The following CLEC9A variants were observed in gnomAD, a reference collection of about 807,000 sequenced individuals.
CLEC9A encodes C-type lectin domain family 9 member A.
A neutral mutation model predicts 30.0 loss-of-function variants in CLEC9A; 24 were observed. That is an observed-to-expected ratio of 0.80 (90% CI 0.58 to 1.13). CLEC9A has a LOEUF of 1.13. CLEC9A is among the 50% of genes most tolerant of loss of function. CLEC9A has a pLI of 0.00. For missense variants in CLEC9A, 251 were observed against 280.9 expected, an observed-to-expected ratio of 0.89 and a Z score of 0.76; for synonymous variants, 111 against 96.8, an observed-to-expected ratio of 1.15 and a Z score of -0.86.
intron 1 of CLEC9A, among the ~76,000 whole-genome samples, chr12:10,034,342 C>G (rs989861574): frequency 6.6e-6 from 1 of 152,196 alleles, no homozygotes; most frequent in Non-Finnish European, 1.5e-5. Context: ...GGACATTGCC[C>G]AAGCACTGAC....
Position 10,064,732 on chromosome 12 carries a change from G to C in CLEC9A, c.472G>C (p.Asp158His), listed in dbSNP as rs148583174. ...LLQIESKEEM[D>H]FITGSLRKIK... is the part of the protein sequence containing the mutation. ...TCACAGTTCAATTTTTGTCTCATAG[G>C]ATTTTATCACTGGCAGCTTGAGGAA... The change falls in exon 8 of 9, where the codon GAT (aspartate) becomes CAT (histidine). Residue 158 changes from aspartate (D) to histidine (H), a missense_variant and splice_region_variant. Coordinates refer to ENST00000355819, the MANE Select transcript of CLEC9A (RefSeq NM_207345.4). The C allele has an allele frequency of 4.4e-6, 7 of 1,595,960 alleles. No homozygotes were observed. The African/African-American group carries it at 8.2e-5, about 19-fold the overall frequency.
intron 1 of CLEC9A, among the ~76,000 whole-genome samples, chr12:10,036,567 G>T (rs1021183200): frequency 3.3e-5 from 5 of 152,098 alleles, no homozygotes; most frequent in African/African-American, 9.7e-5. Flanking sequence ...ACATCTTATT[G>T]CCCTTCTCTT....
chr12:10,055,039 T>C (rs1865928255), intron 5 of CLEC9A, among the ~76,000 whole-genome samples: 1 of 152,144 alleles, frequency 6.6e-6, no homozygotes, highest in African/African-American at 2.4e-5. Context: ...AAGGGAAAGG[T>C]TCAGATTCGC....
At position 10,065,722 on chromosome 12, in the gene CLEC9A, C is replaced by T. The variant is rs928695204; in HGVS notation, c.*90C>T. On this transcript the variant is annotated 3_prime_UTR_variant, in exon 9 of 9. Coordinates refer to ENST00000355819, the MANE Select transcript of CLEC9A (RefSeq NM_207345.4). ...CCCACCCCCCCTCAAAAAAACAGAA[C>T]AGTAAACCAAAATGTGGGCCATGAA... 3.6e-5 allele frequency: 49 copies of T among 1,378,738 alleles called. No homozygotes were observed. The highest frequency in any genetic ancestry group is 8.7e-5 in the African/African-American group (4 of 46,090). 85.4% of individuals were successfully genotyped at this position (1,378,738 alleles called of 1,614,324 possible).
Position 10,048,960 on chromosome 12 carries a change from A to G in CLEC9A, c.-162-3031A>G, listed in dbSNP as rs540027710. ...TATCAGAAGAATCACTATCCATGGCAGTGATAGCCTTATGAAATTTATTTC... is the reference window on the plus strand; with the variant it reads ...TATCAGAAGAATCACTATCCATGGCGGTGATAGCCTTATGAAATTTATTTC... On this transcript the variant is annotated intron_variant, in intron 2 of 8. Coordinates refer to ENST00000355819, the MANE Select transcript of CLEC9A (RefSeq NM_207345.4). Among the ~76,000 whole-genome samples the G allele has an allele frequency of 7.2e-5, 11 of 152,300 alleles. No homozygotes were observed. In the East Asian group the frequency reaches 2.1e-3, roughly 29 times the overall value.
At chr12:10,049,974 A>G (rs921171654) in intron 2 of CLEC9A, among the ~76,000 whole-genome samples, 1 of 152,114 alleles carries the variant, frequency 6.6e-6, no homozygotes, top group Non-Finnish European at 1.5e-5. Flanking sequence ...CTTTTGATTT[A>G]AAGTGAGAGA....
At position 10,054,275 on chromosome 12, in the gene CLEC9A, A is replaced by G. The variant is rs764512976; in HGVS notation, c.96A>G (p.Ala32=). ...KCLSSNKCSG[A]CCLVMVISCV... is the part of the protein sequence containing the mutation. ...TTTTTCCTATTCTGTGGTTAGGAGC[A>G]TGCTGTCTTGTGATGGTGATTTCAT... Residue 32 remains alanine (A), a synonymous_variant, in exon 5 of 9, where the codon GCA becomes GCG. Transcript: ENST00000355819. 12 of 1,612,184 alleles carry G rather than the reference A, an allele frequency of 7.4e-6. No individual in the cohort carries two copies. In the East Asian group the frequency reaches 2.5e-4, roughly 33 times the overall value.
rs35035367 is a variant in CLEC9A, at chr12:10,048,366, GAA to G, written c.-162-3609_-162-3608del. On this transcript the variant is annotated intron_variant, in intron 2 of 8. Transcript: ENST00000355819. ...CAGCCTGGTGACAGAGTGAGATTCC[GAA>G]AAAAAAAAAAAAAAAGACAACAGTG... is the stretch of plus-strand genomic sequence containing the variant. Among the ~76,000 whole-genome samples, 274 of 128,604 alleles carry G rather than the reference GAA, an allele frequency of 2.1e-3. 1 individual carries two copies. Among genetic ancestry groups the G allele is most frequent in the Middle Eastern group, 7.8e-3 (2 of 258 alleles). 84.4% of individuals were successfully genotyped at this position (128,604 alleles called of 152,430 possible).
chr12:10,064,791 G>A lies in CLEC9A; in HGVS notation c.531G>A (p.Leu177=), dbSNP rs145604880. 1.4e-5 allele frequency: 23 copies of A among 1,613,680 alleles called. No homozygotes were observed. In the African/African-American group the frequency reaches 2.1e-4, roughly 15 times the overall value. ...IKGSYDYWVG[L]SQDGHSGRWL... The stretch of plus-strand genomic sequence containing the variant: ...GAAGCTATGATTACTGGGTGGGGTT[G>A]TCTCAGGATGGACACAGCGGACGCT... Residue 177 remains leucine (L), a synonymous_variant, in exon 8 of 9, where the codon TTG becomes TTA. Transcript: ENST00000355819.
chr12:10,061,820 C>T (rs1371804285), intron 6 of CLEC9A, among the ~76,000 whole-genome samples: 1 of 152,170 alleles, frequency 6.6e-6, no homozygotes, highest in Non-Finnish European at 1.5e-5. Context: ...GAGTCTATTT[C>T]TACCTGTCAT....
chr12:10,062,990 T>C, intron 6 of CLEC9A, 65 bp from the exon 7 acceptor site: 1 of 1,425,202 alleles, frequency 7.0e-7, no homozygotes, highest in South Asian at 1.5e-5. Flanking sequence ...AAGGGGCTTT[T>C]TGGAGGGATA....
chr12:10,035,264 TG>T (rs1865734070), intron 1 of CLEC9A, among the ~76,000 whole-genome samples: 5 of 152,144 alleles, frequency 3.3e-5, no homozygotes, highest in Admixed American at 3.3e-4. Context: ...CGGGCCAGGA[TG>T]GTCTTGGGAA....
intron 1 of CLEC9A, among the ~76,000 whole-genome samples, chr12:10,037,284 C>A (rs913066305): frequency 6.6e-6 from 1 of 152,172 alleles, no homozygotes; most frequent in Non-Finnish European, 1.5e-5. Context: ...ATAGGGCGGG[C>A]TCACTGAGCG....
chr12:10,055,671 T>C (rs1340976555), intron 5 of CLEC9A, among the ~76,000 whole-genome samples: 1 of 152,184 alleles, frequency 6.6e-6, no homozygotes, highest in Admixed American at 6.5e-5. Context: ...ATTTGGTTTT[T>C]ATATAAACAT....
chr12:10,042,739 T>G (rs1865808307), intron 2 of CLEC9A, among the ~76,000 whole-genome samples: 1 of 152,216 alleles, frequency 6.6e-6, no homozygotes, highest in Non-Finnish European at 1.5e-5. Context: ...AAAGACATTA[T>G]GTACTCCTTT....
At chr12:10,061,083 T>A in intron 5 of CLEC9A, 44 bp from the exon 6 acceptor site, 2 of 1,596,498 alleles carry the variant, frequency 1.3e-6, no homozygotes, top group Non-Finnish European at 1.7e-6. Flanking sequence ...TATTTTGCTA[T>A]AAAATGTCAG....
In CLEC9A at chr12:10,030,776, G is replaced by C. The variant is rs1222793848; in HGVS notation, c.-514G>C. 2 of 152,230 alleles carry C rather than the reference G, an allele frequency of 1.3e-5. No homozygotes were observed. The highest frequency in any genetic ancestry group is 4.8e-5 in the African/African-American group (2 of 41,454). The allele number at this position is 152,230 out of a possible 1,614,324, so 9.4% of individuals were successfully genotyped here. ...CTTCTCAAATAACTCGCAAGCTCTT[G>C]TGAAGCACAACGGCCTACCTTGTCC... On this transcript the variant is annotated 5_prime_UTR_variant, in exon 1 of 9. Coordinates refer to ENST00000355819, the MANE Select transcript of CLEC9A (RefSeq NM_207345.4).
At chr12:10,062,318 AGT>A (rs1421302967) in intron 6 of CLEC9A, among the ~76,000 whole-genome samples, 1 of 152,210 alleles carries the variant, frequency 6.6e-6, no homozygotes, top group Non-Finnish European at 1.5e-5. Flanking sequence ...TGGAAGTTTC[AGT>A]GTCTTTCCTT....
At chr12:10,031,364 T>A (rs1865694255) in intron 1 of CLEC9A, among the ~76,000 whole-genome samples, 1 of 152,208 alleles carries the variant, frequency 6.6e-6, no homozygotes, top group African/African-American at 2.4e-5. Context: ...CCCTCTGCAC[T>A]TTCTCTTTAG....
Sources: gnomAD v4.1 joint callset for allele counts (sites outside exome capture counted in the v4.1 genomes callset) on GRCh38, gnomAD v4.1.1 for gene constraint, MANE v1.5 for transcripts, NCBI Gene and HGNC (gene_info 2026-07-23, HGNC 2026-07-21) for gene names.